PSMF1: variants seen among roughly 807,000 people sequenced by gnomAD.
PSMF1 encodes proteasome inhibitor PI31 subunit.
Under a neutral mutation model 29.3 loss-of-function variants are expected in PSMF1, and 30 were observed. The ratio of observed to expected loss-of-function variants is 1.02; its 90% CI spans 0.77 to 1.39. The LOEUF is 1.39. Ranked by LOEUF, PSMF1 falls within the 40% of genes most tolerant of loss-of-function variation. The probability of loss-of-function intolerance (pLI) is 0.00; values close to 1 mark genes in which losing one functional copy is unlikely to be tolerated. For synonymous variants in PSMF1, 134 were observed against 139.7 expected (o/e 0.96, Z 0.29); for missense variants, 344 against 357.5 (o/e 0.96, Z 0.31).
Position 1,171,999 on chromosome 20 carries a change from A to C in PSMF1, c.*6919A>C, listed in dbSNP as rs1433889105. ...GACAAGTTTGGCTTTCCCCATCTGT[A>C]AAATGTAGATAAGGATGGACCCACC... is the stretch of plus-strand genomic sequence containing the variant. On this transcript the variant is annotated 3_prime_UTR_variant, in exon 7 of 7. Transcript: ENST00000335877. 6.6e-6 allele frequency among the ~76,000 whole-genome samples: 1 copy of C among 152,222 alleles called. No homozygotes were observed. The highest frequency in any genetic ancestry group is 1.5e-5 in the Non-Finnish European group (1 of 68,028).
chr20:1,136,635 G>T (rs903882643), intron 4 of PSMF1, among the ~76,000 whole-genome samples: 3 of 152,172 alleles, frequency 2.0e-5, no homozygotes, highest in Non-Finnish European at 4.4e-5. Context: ...ATAAGATGAT[G>T]ATGTGTATTC....
rs906166881 is a variant in PSMF1 at position 1,156,947 on chromosome 20, A to G, written c.552-6183A>G. Among the ~76,000 whole-genome samples the G allele has an allele frequency of 6.6e-5, 10 of 152,238 alleles. No homozygotes were observed. The East Asian group carries it at 1.7e-3, about 26-fold the overall frequency. Reference sequence around the variant, plus strand: ...CAGAACTAATAGGCTATATCTACATACATATGTATTGGGGAGTTTATTAAG... The same window carrying G: ...CAGAACTAATAGGCTATATCTACATGCATATGTATTGGGGAGTTTATTAAG... On this transcript the variant is annotated intron_variant, in intron 4 of 6. Coordinates refer to ENST00000335877, the MANE Select transcript of PSMF1 (RefSeq NM_006814.5).
chr20:1,150,956 A>G (rs2086523005), intron 4 of PSMF1, among the ~76,000 whole-genome samples: 1 of 152,230 alleles, frequency 6.6e-6, no homozygotes, highest in Middle Eastern at 3.4e-3. Flanking sequence ...GTGGTGTGAG[A>G]TTTATATTTT....
At chr20:1,131,927 A>G (rs904797808) in intron 3 of PSMF1, among the ~76,000 whole-genome samples, 3 of 152,210 alleles carry the variant, frequency 2.0e-5, no homozygotes, top group Non-Finnish European at 2.9e-5. Context: ...TTAAAAGGAA[A>G]GAAGACTTGA....
At position 1,167,020 on chromosome 20, in the gene PSMF1, C is replaced by CA. The variant is rs1475990196; in HGVS notation, c.*1944dup. On this transcript the variant is annotated 3_prime_UTR_variant, in exon 7 of 7. Coordinates refer to ENST00000335877, the MANE Select transcript of PSMF1 (RefSeq NM_006814.5). The stretch of plus-strand genomic sequence containing the variant: ...CAAAGTCCGAAAAGATAGTTATATA[C>CA]AAAATTCTGTTTTCTGAAAACAAAA... The CA allele has an allele frequency of 6.6e-6, 1 of 152,188 alleles. No individual in the cohort carries two copies. Among genetic ancestry groups the CA allele is most frequent in the African/African-American group, 2.4e-5 (1 of 41,434 alleles). The allele number at this position is 152,188 out of a possible 1,614,324, so 9.4% of individuals were successfully genotyped here. A position where few individuals can be genotyped will look rare whatever the true frequency, so the allele number is the denominator to read the frequency against.
chr20:1,135,047 C>G (rs777745895), intron 3 of PSMF1, 74 bp from the exon 4 acceptor site: 1 of 1,510,144 alleles, frequency 6.6e-7, no homozygotes, highest in Non-Finnish European at 9.2e-7. Context: ...CCGCCGCCGT[C>G]GTTGCAGCCA....
At chr20:1,153,813 G>A (rs2086561329) in intron 4 of PSMF1, among the ~76,000 whole-genome samples, 1 of 152,160 alleles carries the variant, frequency 6.6e-6, no homozygotes, top group South Asian at 2.1e-4. Context: ...GTGCAGTTGA[G>A]GCTCCTGAGC....
Position 1,135,211 on chromosome 20 carries a change from C to T in PSMF1, c.456C>T (p.Ser152=), listed in dbSNP as rs1301966329. Residue 152 remains serine (S), a synonymous_variant, in exon 4 of 7, where the codon AGC becomes AGT. Coordinates refer to ENST00000335877, the MANE Select transcript of PSMF1 (RefSeq NM_006814.5). ...AGCAGTGGGAAAAGGCTAATGTAAG[C>T]AGTCCCCACCGGGAGTTCCCCCCTG... ...IHEQWEKANV[S]SPHREFPPAT... 6.2e-7 allele frequency: 1 copy of T among 1,614,148 alleles called. No homozygotes were observed. The highest frequency in any genetic ancestry group is 1.7e-5 in the Admixed American group (1 of 60,024).
chr20:1,150,007 ATGGT>A (rs2086506364), intron 4 of PSMF1, among the ~76,000 whole-genome samples: 1 of 148,304 alleles, frequency 6.7e-6, no homozygotes. Context: ...CCTGGGCAAC[ATGGT>A]GAAACTCTGT....
At chr20:1,132,270 T>C (rs1212824258) in intron 3 of PSMF1, among the ~76,000 whole-genome samples, 1 of 151,960 alleles carries the variant, frequency 6.6e-6, no homozygotes, top group Admixed American at 6.6e-5. Flanking sequence ...TTCTTTCTTT[T>C]TTTTTTTCTT....
rs1476899811 is a variant in PSMF1, at chr20:1,165,752, AG to A, written c.*674del. The A allele has an allele frequency of 2.0e-6, 2 of 1,018,390 alleles. No homozygotes were observed. Among genetic ancestry groups the A allele is most frequent in the Non-Finnish European group, 2.4e-6 (2 of 848,926 alleles). 63.1% of individuals were successfully genotyped at this position (1,018,390 alleles called of 1,614,324 possible). A position where few individuals can be genotyped will look rare whatever the true frequency, so the allele number is the denominator to read the frequency against. ...GTGGAAAGACTGCATCATTCTGATG[AG>A]GCAAAATCCTCCAGCTATTCCTGTC... On this transcript the variant is annotated 3_prime_UTR_variant, in exon 7 of 7. Transcript: ENST00000335877.
chr20:1,142,879 T>G (rs1469928988), intron 4 of PSMF1, among the ~76,000 whole-genome samples: 2 of 152,220 alleles, frequency 1.3e-5, no homozygotes, highest in Admixed American at 6.5e-5. Flanking sequence ...TAGTTTACAG[T>G]CCCACCAACA....
rs1012588087 is a variant in PSMF1 at position 1,171,281 on chromosome 20, C to G, written c.*6201C>G. 6.6e-6 allele frequency among the ~76,000 whole-genome samples: 1 copy of G among 152,150 alleles called. No homozygotes were observed. Among genetic ancestry groups the G allele is most frequent in the Non-Finnish European group, 1.5e-5 (1 of 68,022 alleles). ...AACCACCTGCACAACCTCCATTCCA[C>G]AGAGGAAGAAACAGGCTCAAGAAAC... is the stretch of plus-strand genomic sequence containing the variant. On this transcript the variant is annotated 3_prime_UTR_variant, in exon 7 of 7. Transcript: ENST00000335877.
At chr20:1,139,757 A>AG (rs57718820) in intron 4 of PSMF1, among the ~76,000 whole-genome samples, 57,290 of 147,606 alleles carry the variant, frequency 0.39, 12,255 homozygotes, top group African/African-American at 0.54. Flanking sequence ...AAAAAAAAAA[A>AG]CGATAAAAAT....
chr20:1,164,335 T>C lies in PSMF1; in HGVS notation c.623T>C (p.Met208Thr), dbSNP rs530685322. The change falls in exon 6 of 7, where the codon ATG becomes ACG. Residue 208 changes from methionine to threonine, a missense_variant. Met to Thr is a moderately conservative substitution (Grantham distance 81). Transcript: ENST00000335877. The surrounding 1 kb of genome is among the most constrained non-coding windows in gnomAD (Gnocchi z 4.1). ...TGCCTCAGGCCTCGGAGAGGTGGCA[T>C]GATTGTGGATCCCCTGAGATCTGGC... ...LDPFGPRRGG[M>T]IVDPLRSGFP... is the part of the protein sequence containing the mutation. The C allele has an allele frequency of 1.2e-6, 2 of 1,613,980 alleles. No homozygotes were observed. The highest frequency in any genetic ancestry group is 2.2e-5 in the South Asian group (2 of 91,078).
At chr20:1,143,598 GCA>G (rs1013476367) in intron 4 of PSMF1, among the ~76,000 whole-genome samples, 13 of 152,174 alleles carry the variant, frequency 8.5e-5, no homozygotes, top group Admixed American at 7.2e-4. Flanking sequence ...AGCACTAAAT[GCA>G]CAGTGTTTAA....
intron 1 of PSMF1, among the ~76,000 whole-genome samples, chr20:1,122,767 G>A (rs2086106168): frequency 1.3e-5 from 2 of 152,132 alleles, no homozygotes; most frequent in African/African-American, 2.4e-5. Context: ...CTGTTTACTG[G>A]GGAACATCAA....
chr20:1,133,931 C>T (rs1426587945), intron 3 of PSMF1, among the ~76,000 whole-genome samples: 2 of 152,000 alleles, frequency 1.3e-5, no homozygotes, highest in African/African-American at 4.8e-5. Flanking sequence ...ATTATCCTTT[C>T]AGTGGCTACA....
In PSMF1 at chr20:1,141,569, C is replaced by T. The variant is rs144319856; in HGVS notation, c.551+6263C>T. ...AAGGACTCATCATCATACCAGCAAA[C>T]GTGATTTATTTAAAATTAGCTACTG... On this transcript the variant is annotated intron_variant, in intron 4 of 6. Coordinates refer to ENST00000335877, the MANE Select transcript of PSMF1 (RefSeq NM_006814.5). Among the ~76,000 whole-genome samples the T allele has an allele frequency of 3.3e-5, 5 of 151,868 alleles. No individual in the cohort carries two copies. In the East Asian group the frequency reaches 5.8e-4, roughly 18 times the overall value.
Sources: gnomAD v4.1 joint callset for allele counts (sites outside exome capture counted in the v4.1 genomes callset) on GRCh38, gnomAD v4.1.1 for gene constraint, Gnocchi (gnomAD v3.1) non-coding constraint, MANE v1.5 for transcripts, NCBI Gene and HGNC (gene_info 2026-07-23, HGNC 2026-07-21) for gene names.